Variants in ANAPC1 observed in about 807,000 individuals in gnomAD.
ANAPC1 encodes the protein anaphase-promoting complex subunit 1.
In ANAPC1, 36 loss-of-function variants were observed where a neutral mutation model predicts 208.0. The ratio of observed to expected loss-of-function variants is 0.17; its 90% CI spans 0.13 to 0.23. ANAPC1 has a LOEUF of 0.23. Ranked by LOEUF, ANAPC1 falls within the 10% of genes least tolerant of loss-of-function variation. The probability of loss-of-function intolerance (pLI) is 1.00; values close to 1 mark genes in which losing one functional copy is unlikely to be tolerated. For missense variants in ANAPC1, 942 were observed against 2,011.6 expected, an observed-to-expected ratio of 0.47 and a Z score of 10.17; for synonymous variants, 378 against 695.2, an observed-to-expected ratio of 0.54 and a Z score of 7.18.
At chr2:111,843,820 CTT>C (rs369036574) in intron 16 of ANAPC1, among the ~76,000 whole-genome samples, 3 of 86,828 alleles carry the variant, frequency 3.5e-5, no homozygotes, top group African/African-American at 1.4e-4. Context: ...CTGAAGACAG[CTT>C]TTTTTTTTTT....
intron 22 of ANAPC1, 99 bp downstream of exon 22, chr2:111,825,678 T>G (rs1195818989): frequency 1.6e-6 from 2 of 1,232,596 alleles, no homozygotes; most frequent in South Asian, 2.9e-5. Context: ...AGGTAAGACA[T>G]GGCCGCCAAA....
chr2:111,787,166 ATTC>A lies in ANAPC1; in HGVS notation c.4799+1065_4799+1067del, dbSNP rs373419378. On this transcript the variant is annotated intron_variant, in intron 39 of 47. Transcript: ENST00000341068. ...TCTATCTCGAAAAAAAAAAAAAAAGATTCTTGTCACCAAATGGAAAATGGCTTC... is the reference window on the plus strand; with the variant it reads ...TCTATCTCGAAAAAAAAAAAAAAAGATTGTCACCAAATGGAAAATGGCTTC... 5.7e-3 allele frequency among the ~76,000 whole-genome samples: 859 copies of A among 151,536 alleles called. 2 individuals are homozygous for A. The highest frequency in any genetic ancestry group is 0.02 in the African/African-American group (825 of 41,196).
chr2:111,871,987 T>C (rs572407586), intron 6 of ANAPC1, among the ~76,000 whole-genome samples: 23 of 152,312 alleles, frequency 1.5e-4, no homozygotes, highest in South Asian at 6.2e-4. Context: ...CTTTATTTCT[T>C]TCACTTGCCT....
At position 111,782,523 on chromosome 2, in the gene ANAPC1, T is replaced by C; in HGVS notation, c.5064-16A>G. The C allele has an allele frequency of 6.2e-7, 1 of 1,613,470 alleles. No homozygotes were observed. On this transcript the variant is annotated splice_polypyrimidine_tract_variant and intron_variant, in intron 42 of 47. Coordinates refer to ENST00000341068, the MANE Select transcript of ANAPC1 (RefSeq NM_022662.4). The stretch of plus-strand genomic sequence containing the variant: ...AAGGATGGACCTGAAAGAAAAGGAA[T>C]GAATTTAATATAAGGTATTACTGGC...
chr2:111,855,620 C>A (rs1459149872), intron 13 of ANAPC1, among the ~76,000 whole-genome samples: 4 of 152,082 alleles, frequency 2.6e-5, no homozygotes, highest in South Asian at 2.1e-4. Context: ...TACATGGTAT[C>A]TTTTTTTATA....
intron 21 of ANAPC1, among the ~76,000 whole-genome samples, 176 bp downstream of exon 21, chr2:111,831,110 G>A (rs538899730): frequency 2.9e-4 from 44 of 152,366 alleles, no homozygotes; most frequent in African/African-American, 1.1e-3. Flanking sequence ...AATCATGAGA[G>A]AAATTTTTGA....
At chr2:111,838,816 T>C (rs1680611856) in intron 17 of ANAPC1, among the ~76,000 whole-genome samples, 1 of 152,234 alleles carries the variant, frequency 6.6e-6, no homozygotes, top group South Asian at 2.1e-4. Flanking sequence ...ATCACATCTT[T>C]GGTAGAAAAA....
intron 27 of ANAPC1, among the ~76,000 whole-genome samples, chr2:111,816,443 TTA>T (rs1679244544): frequency 6.6e-6 from 1 of 152,000 alleles, no homozygotes; most frequent in African/African-American, 2.4e-5. Flanking sequence ...AAGCATCCTT[TTA>T]TAGACTTGAG....
At chr2:111,826,032 A>G (rs924371687) in intron 21 of ANAPC1, among the ~76,000 whole-genome samples, 177 bp from the exon 22 acceptor site, 1 of 152,148 alleles carries the variant, frequency 6.6e-6, no homozygotes, top group African/African-American at 2.4e-5. Context: ...ACACACCACC[A>G]TGCCCAGCTT....
At chr2:111,859,051 A>C (rs1470297599) in intron 10 of ANAPC1, among the ~76,000 whole-genome samples, 1 of 152,180 alleles carries the variant, frequency 6.6e-6, no homozygotes, top group Non-Finnish European at 1.5e-5. Context: ...ATGCATGCAA[A>C]CTTGAATTCC....
rs776136873 is a variant in ANAPC1 at position 111,863,697 on chromosome 2, T to C, written c.1030A>G (p.Ile344Val). The C allele has an allele frequency of 2.0e-5, 33 of 1,613,420 alleles. No homozygotes were observed. Among genetic ancestry groups the C allele is most frequent in the African/African-American group, 2.7e-5 (2 of 74,838 alleles). The change falls in exon 9 of 48, where the codon ATT becomes GTT. Residue 344 changes from isoleucine (I) to valine (V), a missense_variant. By Grantham distance (29) the Ile-to-Val change is conservative (BLOSUM62 3). Transcript: ENST00000341068. ...TACCTTAGAGCTGCCATGTTGGAAA[T>C]AGAAGGTGAGCGAGAATGTAGACTG... ...SPSLHSRSPS[I>V]SNMAALSRAH...
chr2:111,862,000 G>A (rs1682094457), intron 10 of ANAPC1, among the ~76,000 whole-genome samples: 1 of 136,652 alleles, frequency 7.3e-6, no homozygotes, highest in Non-Finnish European at 1.6e-5. Context: ...TCAGCCTCCT[G>A]GGTTCAAGCA....
At chr2:111,865,019 A>G (rs1682328891) in intron 7 of ANAPC1, 68 bp from the exon 8 acceptor site, 2 of 1,489,246 alleles carry the variant, frequency 1.3e-6, no homozygotes, top group Non-Finnish European at 1.8e-6. Context: ...TTATGAACAG[A>G]GCTCTTAAAA....
intron 1 of ANAPC1, among the ~76,000 whole-genome samples, chr2:111,881,115 G>A (rs939241004): frequency 2.8e-4 from 43 of 151,332 alleles, no homozygotes; most frequent in African/African-American, 7.5e-4. Context: ...CACCTATCCC[G>A]TGTTTCCCAC....
intron 6 of ANAPC1, 61 bp from the exon 7 acceptor site, chr2:111,868,157 C>T: frequency 5.0e-6 from 6 of 1,202,388 alleles, no homozygotes; most frequent in Non-Finnish European, 7.0e-6. Context: ...ACAAATTTTG[C>T]ACTTCTATTG....
At position 111,859,949 on chromosome 2, in the gene ANAPC1, T is replaced by C. The variant is rs140366240; in HGVS notation, c.1263-1548A>G. Among the ~76,000 whole-genome samples the C allele has an allele frequency of 5.5e-3, 835 of 152,300 alleles. 10 individuals carry two copies. Among genetic ancestry groups the C allele is most frequent in the African/African-American group, 0.019 (803 of 41,564 alleles). On this transcript the variant is annotated intron_variant, in intron 10 of 47. Transcript: ENST00000341068. Reference sequence around the variant, plus strand: ...ACAAAATGGACTCAACATTAGAGTATATAAAAGACCTTCTCAATTCGACTG... The same window carrying C: ...ACAAAATGGACTCAACATTAGAGTACATAAAAGACCTTCTCAATTCGACTG...
At chr2:111,857,316 A>G (rs1681787825) in intron 11 of ANAPC1, among the ~76,000 whole-genome samples, 1 of 152,264 alleles carries the variant, frequency 6.6e-6, no homozygotes. Context: ...TGCAAGGTAC[A>G]CAGGACTTGT....
At chr2:111,858,767 GAAAAAAAAA>G (rs59260533) in intron 10 of ANAPC1, among the ~76,000 whole-genome samples, 3 of 122,824 alleles carry the variant, frequency 2.4e-5, no homozygotes, top group African/African-American at 9.3e-5. Flanking sequence ...GTCTCAAAAA[GAAAAAAAAA>G]AAAAAAAAAA....
At chr2:111,844,178 A>C (rs1680925449) in intron 16 of ANAPC1, among the ~76,000 whole-genome samples, 1 of 152,274 alleles carries the variant, frequency 6.6e-6, no homozygotes, top group South Asian at 2.1e-4. Context: ...CAAATAGCCC[A>C]GTTTGCCAGA....
Sources: gnomAD v4.1 joint callset for allele counts (sites outside exome capture counted in the v4.1 genomes callset) on GRCh38, gnomAD v4.1.1 for gene constraint, MANE v1.5 for transcripts, NCBI Gene and HGNC (gene_info 2026-07-23, HGNC 2026-07-21) for gene names.